Variants in TASP1 observed in about 807,000 individuals in gnomAD.
The protein encoded by TASP1 is threonine aspartase 1.
TASP1 carries 16 observed loss-of-function variants against 56.6 expected under a neutral mutation model. The ratio of observed to expected loss-of-function variants is 0.28; its 90% CI spans 0.19 to 0.43. TASP1 has a LOEUF of 0.43. Among genes scored for constraint, TASP1 ranks in the 20% least tolerant of loss-of-function variants. The probability of loss-of-function intolerance (pLI) is 1.00; values close to 1 mark genes in which losing one functional copy is unlikely to be tolerated. For synonymous variants in TASP1, 179 were observed against 184.2 expected (o/e 0.97, Z 0.23); for missense variants, 393 against 511.6 (o/e 0.77, Z 2.24).
chr20:13,432,522 C>G (rs977653387), intron 12 of TASP1, among the ~76,000 whole-genome samples: 18 of 152,176 alleles, frequency 1.2e-4, no homozygotes, highest in African/African-American at 4.3e-4. Flanking sequence ...ACATTCATAA[C>G]TTTTATAGAA....
At chr20:13,511,790 G>A (rs116923534) in intron 10 of TASP1, among the ~76,000 whole-genome samples, 3,079 of 124,638 alleles carry the variant, frequency 0.025, 52 homozygotes, top group Non-Finnish European at 0.028. Flanking sequence ...AGTGTGTGAC[G>A]TTTCCCTTCC....
At chr20:13,466,871 A>G (rs987313200) in intron 11 of TASP1, among the ~76,000 whole-genome samples, 11 of 152,320 alleles carry the variant, frequency 7.2e-5, no homozygotes, top group African/African-American at 2.6e-4. Context: ...ACATGTGTAC[A>G]GAATTTTCTC....
chr20:13,587,777 A>G (rs1449576681), intron 4 of TASP1, among the ~76,000 whole-genome samples: 5 of 151,992 alleles, frequency 3.3e-5, no homozygotes, highest in African/African-American at 1.2e-4. Flanking sequence ...ACACCCTTTC[A>G]TGAGAAAAAC....
chr20:13,567,902 G>A (rs1019658771), intron 7 of TASP1, among the ~76,000 whole-genome samples: 2 of 152,166 alleles, frequency 1.3e-5, no homozygotes, highest in African/African-American at 2.4e-5. Flanking sequence ...AGTAAGACTC[G>A]AGACTGGAAG....
chr20:13,504,687 AAG>A (rs2044065962), intron 10 of TASP1, among the ~76,000 whole-genome samples: 4 of 152,170 alleles, frequency 2.6e-5, no homozygotes, highest in African/African-American at 9.6e-5. Context: ...ACAACATAAA[AAG>A]ATGTAAATTG....
At chr20:13,172,785 G>T in the TASP1 span, among the ~76,000 whole-genome samples, 1 of 152,088 alleles carries the variant, frequency 6.6e-6, no homozygotes, top group Non-Finnish European at 1.5e-5. Context: ...AAAATTACTT[G>T]ATGAATACTT....
At chr20:13,362,557 T>C in the TASP1 span, among the ~76,000 whole-genome samples, 4 of 149,296 alleles carry the variant, frequency 2.7e-5, no homozygotes, top group African/African-American at 1.0e-4. Context: ...CCAAATCCTA[T>C]AAAACAGCCC....
At chr20:13,619,459 AT>A (rs1177112170) in intron 4 of TASP1, among the ~76,000 whole-genome samples, 2 of 152,206 alleles carry the variant, frequency 1.3e-5, no homozygotes, top group Non-Finnish European at 2.9e-5. Context: ...TTCAGGCAGT[AT>A]TTTATAAATA....
chr20:13,584,817 G>C (rs2147240180), intron 5 of TASP1, among the ~76,000 whole-genome samples: 1 of 152,188 alleles, frequency 6.6e-6, no homozygotes, highest in Non-Finnish European at 1.5e-5. Flanking sequence ...CAACTCATAT[G>C]AAATAGACAA....
chr20:13,562,078 G>T (rs1353355994), intron 7 of TASP1, among the ~76,000 whole-genome samples: 1 of 152,170 alleles, frequency 6.6e-6, no homozygotes. Flanking sequence ...TAAAAGATAG[G>T]TATTGTACAA....
chr20:13,423,290 C>G (rs1172765815), intron 12 of TASP1, among the ~76,000 whole-genome samples: 1 of 151,618 alleles, frequency 6.6e-6, no homozygotes, highest in African/African-American at 2.4e-5. Context: ...CAAACAACAA[C>G]AAAAAAAACC....
the TASP1 span, among the ~76,000 whole-genome samples, chr20:13,204,017 T>A: frequency 6.6e-6 from 1 of 152,252 alleles, no homozygotes; most frequent in African/African-American, 2.4e-5. Context: ...AAAACAGCTT[T>A]AAAATCACCT....
chr20:13,262,008 C>A, the TASP1 span, among the ~76,000 whole-genome samples: 1 of 152,214 alleles, frequency 6.6e-6, no homozygotes, highest in Non-Finnish European at 1.5e-5. Flanking sequence ...CCCGTTCCCT[C>A]TGGTCGTAGG....
chr20:13,448,584 T>C (rs942461977), intron 11 of TASP1, among the ~76,000 whole-genome samples: 3 of 152,136 alleles, frequency 2.0e-5, no homozygotes, highest in Non-Finnish European at 4.4e-5. Flanking sequence ...TCTGGGATCA[T>C]GTGTATTCTT....
intron 8 of TASP1, among the ~76,000 whole-genome samples, chr20:13,549,267 C>T (rs1032165516): frequency 1.3e-5 from 2 of 152,078 alleles, no homozygotes; most frequent in African/African-American, 4.8e-5. Flanking sequence ...CAAATAGTTC[C>T]TGGGACCCGA....
chr20:13,299,006 G>A, the TASP1 span: 2 of 1,613,650 alleles, frequency 1.2e-6, no homozygotes, highest in African/African-American at 1.3e-5. This position sits in a 1 kb window ranked among gnomAD's most constrained non-coding sequence, Gnocchi z 5.8. Context: ...ACATGCACAA[G>A]GTGATGAATG....
intron 11 of TASP1, among the ~76,000 whole-genome samples, chr20:13,447,556 T>C (rs1483191481): frequency 6.6e-6 from 1 of 152,120 alleles, no homozygotes; most frequent in Non-Finnish European, 1.5e-5. Flanking sequence ...GCTGCTGCCA[T>C]CTGCTTCAGA....
chr20:13,330,738 G>A, the TASP1 span, among the ~76,000 whole-genome samples: 1 of 152,170 alleles, frequency 6.6e-6, no homozygotes, highest in Admixed American at 6.5e-5. Flanking sequence ...GGTGAGTTTA[G>A]ATAGTTTGTG....
At chr20:13,600,748 A>C (rs1300281660) in intron 4 of TASP1, 5 of 152,168 alleles carry the variant, frequency 3.3e-5, no homozygotes, top group Non-Finnish European at 5.9e-5. Flanking sequence ...GCAATTAAAA[A>C]AAGCAAGCCA....
Sources: gnomAD v4.1 joint callset for allele counts (sites outside exome capture counted in the v4.1 genomes callset) on GRCh38, gnomAD v4.1.1 for gene constraint, Gnocchi (gnomAD v3.1) non-coding constraint, MANE v1.5 for transcripts, NCBI Gene and HGNC (gene_info 2026-07-23, HGNC 2026-07-21) for gene names.